Variants in GLB1 observed in about 807,000 individuals in gnomAD.
GLB1 encodes beta-galactosidase.
GLB1 carries 56 observed loss-of-function variants against 74.0 expected under a neutral mutation model. The ratio of observed to expected loss-of-function variants is 0.76; its 90% CI spans 0.61 to 0.94. GLB1 has a LOEUF of 0.94. Ranked by LOEUF, GLB1 falls within the 40% of genes least tolerant of loss-of-function variation. The pLI is 0.00. For missense variants in GLB1, 787 were observed against 845.5 expected, an observed-to-expected ratio of 0.93 and a Z score of 0.86; for synonymous variants, 323 against 323.6, an observed-to-expected ratio of 1.00 and a Z score of 0.02.
At chr3:33,043,998 C>T (rs1050042296) in intron 10 of GLB1, among the ~76,000 whole-genome samples, 1 of 152,106 alleles carries the variant, frequency 6.6e-6, no homozygotes, top group African/African-American at 2.4e-5. Context: ...AAGGGAAATA[C>T]ATGAGGACAA....
rs398123358 is a variant in GLB1 at position 33,097,010 on chromosome 3, C to G, written c.75+1G>C. ...CCCGTACCCGGGTCCCGCAGACTTA[C>G]GCGCAAGCCGCGCGTAGGGCCCAGA... On this transcript the variant is annotated splice_donor_variant, in intron 1 of 15. Transcript: ENST00000307363. LOFTEE classifies it high-confidence loss of function. 6.2e-6 allele frequency: 10 copies of G among 1,611,576 alleles called. No individual in the cohort carries two copies. The highest frequency in any genetic ancestry group is 1.1e-5 in the South Asian group (1 of 90,788).
At chr3:32,979,227 C>T in the GLB1 span, among the ~76,000 whole-genome samples, 3 of 152,026 alleles carry the variant, frequency 2.0e-5, no homozygotes, top group Non-Finnish European at 2.9e-5. Context: ...CCACCTGCTC[C>T]GGTCTCCCAA....
intron 5 of GLB1, among the ~76,000 whole-genome samples, chr3:33,064,440 C>CAAAAAAAA (rs1699580984): frequency 8.9e-5 from 1 of 11,266 alleles, no homozygotes; most frequent in Admixed American, 1.7e-3. Flanking sequence ...ACTCTGTCTC[C>CAAAAAAAA]TAAAAAAAAA....
chr3:33,015,802 G>A (rs1431708482), intron 14 of GLB1, among the ~76,000 whole-genome samples: 1 of 152,158 alleles, frequency 6.6e-6, no homozygotes, highest in Admixed American at 6.5e-5. Context: ...ATCTCAAGAG[G>A]GTCAGGAAAT....
chr3:33,095,858 C>T (rs1701003237), intron 1 of GLB1, among the ~76,000 whole-genome samples: 1 of 152,178 alleles, frequency 6.6e-6, no homozygotes, highest in African/African-American at 2.4e-5. Flanking sequence ...TCCTACGGGC[C>T]TTCTGGACAA....
the GLB1 span, among the ~76,000 whole-genome samples, chr3:32,970,740 C>T: frequency 2.6e-5 from 4 of 152,148 alleles, no homozygotes; most frequent in Admixed American, 6.5e-5. Flanking sequence ...AGACCCAAAT[C>T]GCCCCACCCG....
intron 4 of GLB1, 30 bp downstream of exon 4, chr3:33,068,200 A>C (rs766806896): frequency 6.2e-7 from 1 of 1,613,834 alleles, no homozygotes; most frequent in South Asian, 1.1e-5. Context: ...AGCTTTTATA[A>C]ATCTTCTCAA....
downstream of GLB1, among the ~76,000 whole-genome samples, chr3:32,993,522 ATTTTTTTTTTTTTTTTT>A (rs746774682): frequency 3.2e-5 from 2 of 62,256 alleles, no homozygotes; most frequent in Admixed American, 2.3e-4. Context: ...CATCCAGCTA[ATTTTTTTTTTTTTTTTT>A]TTTTTTTTTT....
chr3:33,059,985 G>A (rs908017072), intron 5 of GLB1, among the ~76,000 whole-genome samples: 12 of 152,180 alleles, frequency 7.9e-5, no homozygotes, highest in Admixed American at 5.2e-4. Context: ...GGGACAGCCC[G>A]AGGTAGCTCT....
At chr3:33,023,224 T>C (rs781502755) in intron 11 of GLB1, among the ~76,000 whole-genome samples, 1 of 152,218 alleles carries the variant, frequency 6.6e-6, no homozygotes, top group Non-Finnish European at 1.5e-5. Context: ...TGCATAAAAA[T>C]AGATTTGTCA....
chr3:33,047,347 T>C (rs1698782092), intron 9 of GLB1, among the ~76,000 whole-genome samples: 1 of 152,210 alleles, frequency 6.6e-6, no homozygotes, highest in Admixed American at 6.5e-5. Flanking sequence ...TGGGTGGTAC[T>C]TCAAAAACTT....
intron 4 of GLB1, 30 bp downstream of exon 4, chr3:33,068,200 A>T: frequency 6.2e-7 from 1 of 1,613,834 alleles, no homozygotes; most frequent in Non-Finnish European, 8.5e-7. Flanking sequence ...AGCTTTTATA[A>T]ATCTTCTCAA....
At chr3:32,982,300 C>T in the GLB1 span, among the ~76,000 whole-genome samples, 203 of 137,770 alleles carry the variant, frequency 1.5e-3, no homozygotes, top group Non-Finnish European at 2.3e-3. Flanking sequence ...GCAACAAGAG[C>T]GAAACTCCGT....
At chr3:32,981,490 C>G in the GLB1 span, among the ~76,000 whole-genome samples, 1 of 151,220 alleles carries the variant, frequency 6.6e-6, no homozygotes, top group African/African-American at 2.4e-5. Context: ...TTGCCCGATA[C>G]TGACCGGGCA....
chr3:33,002,386 G>A (rs144407214), intron 15 of GLB1, among the ~76,000 whole-genome samples: 1,185 of 105,696 alleles, frequency 0.011, 17 homozygotes, highest in African/African-American at 0.04. Context: ...CCTTCCTTAT[G>A]AGGCAGGGTC....
chr3:33,016,605 G>A lies in GLB1; in HGVS notation c.1479+104C>T, dbSNP rs1272083099. 3 of 1,581,750 alleles carry A rather than the reference G, an allele frequency of 1.9e-6. No homozygotes were observed. In the East Asian group the frequency reaches 7.0e-5, roughly 37 times the overall value. ...GGCCTCAAGTGATCCTCCTGCCTTG[G>A]CTTCCCAAAGTGCTGAGATTACAGG... is the stretch of plus-strand genomic sequence containing the variant. On this transcript the variant is annotated intron_variant, in intron 14 of 15. Coordinates refer to ENST00000307363, the MANE Select transcript of GLB1 (RefSeq NM_000404.4).
chr3:33,029,963 A>T (rs1697938404), intron 10 of GLB1: 1 of 151,848 alleles, frequency 6.6e-6, no homozygotes, highest in South Asian at 2.1e-4. Context: ...TAAGAAAAAA[A>T]AAAAAAAAGA....
Position 32,997,165 on chromosome 3 carries a change from G to A in GLB1, c.1914C>T (p.Phe638=), listed in dbSNP as rs545982076. Residue 638 remains phenylalanine (F), a synonymous_variant, in exon 16 of 16, where the codon TTC becomes TTT. Transcript: ENST00000307363. ...ATGAGCCAATAACTGGCCTGTCCAC[G>A]AACGTCACAGCACATAGTTCTGGAT... is the stretch of plus-strand genomic sequence containing the variant. ...SDDPELCAVT[F]VDRPVIGSSV... is the part of the protein sequence containing the mutation. 22 of 1,613,998 alleles carry A rather than the reference G, an allele frequency of 1.4e-5. No homozygotes were observed. Among genetic ancestry groups the A allele is most frequent in the East Asian group, 6.7e-5 (3 of 44,896 alleles).
chr3:33,038,377 A>G (rs532475264), intron 10 of GLB1, among the ~76,000 whole-genome samples: 10 of 152,356 alleles, frequency 6.6e-5, no homozygotes, highest in African/African-American at 2.2e-4. Flanking sequence ...CAAATTCTGG[A>G]GAATCTCTTA....
Sources: allele counts gnomAD v4.1 joint callset (sites outside exome capture counted in the v4.1 genomes callset), GRCh38; gene constraint gnomAD v4.1.1; transcripts MANE v1.5; gene names NCBI Gene and HGNC (gene_info 2026-07-23, HGNC 2026-07-21).